GABPA: variants seen among roughly 807,000 people sequenced by gnomAD.
The protein encoded by GABPA is GA binding protein transcription factor subunit alpha, also known as GA-binding protein alpha chain.
In GABPA, 4 loss-of-function variants were observed where a neutral mutation model predicts 59.4. The ratio of observed to expected loss-of-function variants is 0.07; its 90% CI spans 0.03 to 0.15. The LOEUF (loss-of-function observed/expected upper bound fraction) is 0.15, where lower values mean the gene tolerates loss of function less well. GABPA is among the 10% of genes least tolerant of loss of function. The probability of loss-of-function intolerance (pLI) is 1.00; values close to 1 mark genes in which losing one functional copy is unlikely to be tolerated. For synonymous variants in GABPA, 164 were observed against 183.1 expected (o/e 0.90, Z 0.84); for missense variants, 251 against 543.8 (o/e 0.46, Z 5.36).
chr21:25,760,369 C>G (rs1481284201), intron 6 of GABPA, among the ~76,000 whole-genome samples: 1 of 152,182 alleles, frequency 6.6e-6, no homozygotes, highest in African/African-American at 2.4e-5. Context: ...GCGAAAGGCA[C>G]TGATTCTGGG....
intron 9 of GABPA, among the ~76,000 whole-genome samples, chr21:25,767,520 A>G (rs2035921176): frequency 6.6e-6 from 1 of 151,908 alleles, no homozygotes; most frequent in African/African-American, 2.4e-5. Flanking sequence ...TAAAATTCAA[A>G]TTTATGTGTG....
chr21:25,745,474 C>T, intron 3 of GABPA, 120 bp downstream of exon 3: 3 of 849,466 alleles, frequency 3.5e-6, no homozygotes, highest in Non-Finnish European at 5.2e-6. Flanking sequence ...ACCTGTATTA[C>T]TGTAAAATTT....
chr21:25,760,355 A>C (rs906610872), intron 6 of GABPA, among the ~76,000 whole-genome samples: 1 of 152,298 alleles, frequency 6.6e-6, no homozygotes, highest in African/African-American at 2.4e-5. Context: ...TCTGCAGCCT[A>C]TCTGCGAAAG....
In GABPA at chr21:25,743,526, G is replaced by A. The variant is rs1022200031; in HGVS notation, c.78-1684G>A. ...CTATGTGAAGGAGGCAGTAATTGTC[G>A]TTCACCTAACGTAGATTTTTGCTGT... On this transcript the variant is annotated intron_variant, in intron 2 of 9. Coordinates refer to ENST00000400075, the MANE Select transcript of GABPA (RefSeq NM_002040.4). Among the ~76,000 whole-genome samples the A allele has an allele frequency of 4.0e-5, 6 of 151,306 alleles. 1 individual carries two copies. Among genetic ancestry groups the A allele is most frequent in the Admixed American group, 2.0e-4 (3 of 15,214 alleles).
At position 25,740,481 on chromosome 21, in the gene GABPA, C is replaced by T. The variant is rs191157548; in HGVS notation, c.-26-1092C>T. ...GAATTCAAAGACATTCATTGACCTA[C>T]TGCGAGGTAGTTAATAACAGAACCT... is the stretch of plus-strand genomic sequence containing the variant. On this transcript the variant is annotated intron_variant, in intron 1 of 9. Transcript: ENST00000400075. Among the ~76,000 whole-genome samples the T allele has an allele frequency of 7.2e-5, 11 of 152,328 alleles. No homozygotes were observed. In the East Asian group the frequency reaches 1.9e-3, roughly 27 times the overall value.
chr21:25,751,194 A>G (rs2035500880), intron 4 of GABPA, among the ~76,000 whole-genome samples: 1 of 151,940 alleles, frequency 6.6e-6, no homozygotes, highest in Admixed American at 6.5e-5. Flanking sequence ...CTGCACACAT[A>G]ATGAAATAAC....
chr21:25,751,332 T>C (rs1480390116), intron 4 of GABPA, among the ~76,000 whole-genome samples: 13 of 151,384 alleles, frequency 8.6e-5, no homozygotes, highest in Non-Finnish European at 1.6e-4. Flanking sequence ...GATTTAATTC[T>C]GGATAGTTGA....
At chr21:25,739,136 A>G (rs142833421) in intron 1 of GABPA, among the ~76,000 whole-genome samples, 1 of 152,356 alleles carries the variant, frequency 6.6e-6, no homozygotes, top group East Asian at 1.9e-4. Flanking sequence ...CTTAAAGGGC[A>G]AGCCTGAGAG....
chr21:25,753,311 G>A (rs189674712), intron 5 of GABPA, among the ~76,000 whole-genome samples: 308 of 152,222 alleles, frequency 2.0e-3, no homozygotes, highest in Non-Finnish European at 3.6e-3. Context: ...ATAAGATTTG[G>A]GCTGGAGACA....
chr21:25,756,585 C>G (rs1438055169), intron 5 of GABPA, among the ~76,000 whole-genome samples: 2 of 152,200 alleles, frequency 1.3e-5, no homozygotes, highest in Non-Finnish European at 2.9e-5. Flanking sequence ...TCCTGTTGTA[C>G]TTTGAATGCA....
At chr21:25,759,868 A>T (rs971641691) in intron 6 of GABPA, among the ~76,000 whole-genome samples, 1 of 152,106 alleles carries the variant, frequency 6.6e-6, no homozygotes, top group African/African-American at 2.4e-5. Flanking sequence ...TGGTAGTTTC[A>T]TTTTTCCCAA....
chr21:25,748,611 T>G (rs140061366), intron 3 of GABPA, among the ~76,000 whole-genome samples: 142 of 152,330 alleles, frequency 9.3e-4, no homozygotes, highest in African/African-American at 3.3e-3. Context: ...CTTCAATATG[T>G]AGCATTGATT....
At chr21:25,749,208 G>A (rs2035445511) in intron 4 of GABPA, 88 bp downstream of exon 4, 4 of 751,606 alleles carry the variant, frequency 5.3e-6, no homozygotes, top group South Asian at 3.4e-5. Context: ...TTCGATGGTT[G>A]TCTACATTAC....
intron 1 of GABPA, among the ~76,000 whole-genome samples, chr21:25,741,330 C>T (rs895390730): frequency 4.0e-5 from 6 of 151,874 alleles, no homozygotes; most frequent in East Asian, 1.9e-4. Context: ...GACAGGATTT[C>T]GCCAAGTTAC....
chr21:25,752,962 G>C (rs1054863804), intron 5 of GABPA, among the ~76,000 whole-genome samples: 2 of 152,162 alleles, frequency 1.3e-5, no homozygotes, highest in Non-Finnish European at 2.9e-5. Flanking sequence ...ATAGGACTGA[G>C]CAGATTGACA....
intron 6 of GABPA, among the ~76,000 whole-genome samples, chr21:25,761,080 A>G (rs1173252064): frequency 6.6e-6 from 1 of 152,110 alleles, no homozygotes; most frequent in East Asian, 1.9e-4. Flanking sequence ...TTCTGAGGAA[A>G]ATTTACTACA....
chr21:25,749,750 G>T (rs2035460456), intron 4 of GABPA, among the ~76,000 whole-genome samples: 1 of 152,196 alleles, frequency 6.6e-6, no homozygotes, highest in South Asian at 2.1e-4. Flanking sequence ...AAAATCACTT[G>T]AACCCAGGAA....
intron 4 of GABPA, among the ~76,000 whole-genome samples, chr21:25,750,587 G>A (rs2035485547): frequency 6.6e-6 from 1 of 152,184 alleles, no homozygotes; most frequent in Admixed American, 6.5e-5. Context: ...ACTGTTTTTG[G>A]TAGGTTGAAT....
intron 9 of GABPA, 139 bp downstream of exon 9, chr21:25,764,926 A>G (rs2035854156): frequency 3.5e-6 from 2 of 566,766 alleles, no homozygotes; most frequent in Non-Finnish European, 5.6e-6. Flanking sequence ...ATATTAAAAA[A>G]CCTTTTTAAA....
Sources: allele counts gnomAD v4.1 joint callset (sites outside exome capture counted in the v4.1 genomes callset), GRCh38; gene constraint gnomAD v4.1.1; transcripts MANE v1.5; gene names NCBI Gene and HGNC (gene_info 2026-07-23, HGNC 2026-07-21).